PEMT: variants seen among roughly 807,000 people sequenced by gnomAD.
The protein encoded by PEMT is phospholipid methyltransferase.
In PEMT, 23 loss-of-function variants were observed where a neutral mutation model predicts 27.4. The observed-to-expected ratio is 0.84, with a 90% confidence interval of 0.60 to 1.19. The LOEUF (loss-of-function observed/expected upper bound fraction) is 1.19. Ranked by LOEUF, PEMT falls within the 50% of genes most tolerant of loss-of-function variation. The pLI is 0.00. For missense variants in PEMT, 307 were observed against 310.1 expected, an observed-to-expected ratio of 0.99 and a Z score of 0.07; for synonymous variants, 137 against 139.1, an observed-to-expected ratio of 0.98 and a Z score of 0.11.
chr17:17,547,045 G>C (rs755445961), intron 2 of PEMT, among the ~76,000 whole-genome samples: 2 of 152,262 alleles, frequency 1.3e-5, no homozygotes, highest in Non-Finnish European at 2.9e-5. Flanking sequence ...CTCCAGGCGT[G>C]CTCTCGAGCC....
intron 2 of PEMT, among the ~76,000 whole-genome samples, chr17:17,525,056 G>A (rs768436922): frequency 1.2e-4 from 18 of 152,184 alleles, no homozygotes; most frequent in African/African-American, 1.7e-4. Flanking sequence ...GCAGTGAGCC[G>A]AGATCGCGCC....
chr17:17,509,447 C>G lies in PEMT; in HGVS notation c.565G>C (p.Gly189Arg). 1 of 1,611,576 alleles carries G rather than the reference C, an allele frequency of 6.2e-7. No homozygotes were observed. The highest frequency in any genetic ancestry group is 8.5e-7 in the Non-Finnish European group (1 of 1,177,838). ...MYWGSTANYL[G>R]WAIMHASPTG... is the part of the protein sequence containing the mutation. ...CCTGGTACTCACATGATGGCCCAGC[C>G]CAGGTAGTTGGCTGTGCTTCCCCAG... The change falls in exon 5 of 7, where the codon GGC (glycine) becomes CGC (arginine). Residue 189 changes from glycine (G) to arginine (R), a missense_variant. Physicochemically the swap from Gly to Arg is moderately radical, Grantham distance 125 (BLOSUM62 -2). Coordinates refer to ENST00000255389, the MANE Select transcript of PEMT (RefSeq NM_148172.3).
At chr17:17,579,937 C>A (rs1221321474) in intron 1 of PEMT, among the ~76,000 whole-genome samples, 2 of 152,224 alleles carry the variant, frequency 1.3e-5, no homozygotes, top group Non-Finnish European at 2.9e-5. Flanking sequence ...GCCTGCCCAG[C>A]GCCTGCAGCC....
At chr17:17,515,785 G>A (rs780681167) in intron 3 of PEMT, among the ~76,000 whole-genome samples, 1 of 152,200 alleles carries the variant, frequency 6.6e-6, no homozygotes, top group Non-Finnish European at 1.5e-5. Context: ...AATATAGGAC[G>A]CAATTTCCCT....
chr17:17,563,041 C>T (rs567506233), intron 2 of PEMT, among the ~76,000 whole-genome samples: 3 of 152,284 alleles, frequency 2.0e-5, no homozygotes, highest in African/African-American at 7.2e-5. Flanking sequence ...GTGACTCTGA[C>T]GCCTGCCTTG....
intron 2 of PEMT, among the ~76,000 whole-genome samples, chr17:17,556,877 G>A (rs1361244120): frequency 2.6e-5 from 4 of 152,172 alleles, no homozygotes; most frequent in African/African-American, 7.2e-5. Context: ...CGTGGCTCCC[G>A]CAGTGCTGTG....
At chr17:17,587,818 A>C (rs993029380) in intron 1 of PEMT, among the ~76,000 whole-genome samples, 1 of 152,140 alleles carries the variant, frequency 6.6e-6, no homozygotes, top group Non-Finnish European at 1.5e-5. Flanking sequence ...GGAGGTTGCA[A>C]TGAGCTGGTA....
chr17:17,589,313 T>C (rs1912482828), intron 1 of PEMT, among the ~76,000 whole-genome samples: 2 of 150,770 alleles, frequency 1.3e-5, no homozygotes, highest in Admixed American at 6.6e-5. Flanking sequence ...CAAGATTCTG[T>C]ACCTGCTGAA....
chr17:17,522,771 C>T (rs1379556899), intron 2 of PEMT, among the ~76,000 whole-genome samples: 2 of 152,136 alleles, frequency 1.3e-5, no homozygotes, highest in Admixed American at 6.5e-5. Flanking sequence ...GTGCATCCCA[C>T]AGACTCTAAA....
intron 2 of PEMT, among the ~76,000 whole-genome samples, chr17:17,554,354 T>C (rs113499468): frequency 4.6e-5 from 7 of 152,150 alleles, no homozygotes; most frequent in Non-Finnish European, 1.0e-4. Context: ...CCCCCTCCCA[T>C]GTCCTACTCT....
At position 17,582,188 on chromosome 17, in the gene PEMT, T is replaced by C. The variant is rs1436275812; in HGVS notation, c.97-5161A>G. 1 of 842,630 alleles carries C rather than the reference T, an allele frequency of 1.2e-6. No homozygotes were observed. Among genetic ancestry groups the C allele is most frequent in the African/African-American group, 1.8e-5 (1 of 54,394 alleles). 52.2% of individuals were successfully genotyped at this position (842,630 alleles called of 1,614,324 possible). A position where few individuals can be genotyped will look rare whatever the true frequency, so the allele number is the denominator to read the frequency against. ...GAGGTCCCGGCTTTCTGCTACCCAG[T>C]AATTCTAATGGAACCCCCACTCCAA... On this transcript the variant is annotated intron_variant, in intron 1 of 6. Transcript: ENST00000255389. The surrounding 1 kb of genome is among the most constrained non-coding windows in gnomAD (Gnocchi z 4.9).
At chr17:17,508,879 G>A in intron 5 of PEMT, 1 of 383,186 alleles carries the variant, frequency 2.6e-6, no homozygotes, top group Non-Finnish European at 5.4e-6. Context: ...AGCTGCGGGT[G>A]AGCTGGGCCC....
intron 2 of PEMT, among the ~76,000 whole-genome samples, chr17:17,544,964 G>A (rs1043305757): frequency 2.0e-5 from 3 of 152,222 alleles, no homozygotes; most frequent in Admixed American, 6.5e-5. Context: ...CAGGCCAGCC[G>A]TTCTCTCCAG....
intron 3 of PEMT, among the ~76,000 whole-genome samples, chr17:17,519,354 G>C (rs1374215068): frequency 1.3e-5 from 2 of 152,328 alleles, no homozygotes; most frequent in Middle Eastern, 3.4e-3. Flanking sequence ...CAAAATCCAG[G>C]GGTGGCCAGT....
At position 17,586,239 on chromosome 17, in the gene PEMT, AG is replaced by A. The variant is rs1567759020; in HGVS notation, c.96+5291del. ...GAAAAAGAAAGAAAGAAAGAAAGAA[AG>A]AAAGAAAGAAAGAAAGAAAGAAAGA... On this transcript the variant is annotated intron_variant, in intron 1 of 6. Transcript: ENST00000255389. Among the ~76,000 whole-genome samples the A allele has an allele frequency of 3.6e-4, 36 of 100,168 alleles. 1 individual carries two copies. The highest frequency in any genetic ancestry group is 1.7e-3 in the African/African-American group (33 of 19,796). 65.7% of individuals were successfully genotyped at this position (100,168 alleles called of 152,430 possible). A position where few individuals can be genotyped will look rare whatever the true frequency, so the allele number is the denominator to read the frequency against.
intron 2 of PEMT, among the ~76,000 whole-genome samples, chr17:17,554,709 G>A (rs141530987): frequency 0.015 from 2,267 of 152,188 alleles, 60 homozygotes; most frequent in African/African-American, 0.052. Flanking sequence ...TCTGCCTCCC[G>A]GCTTCAAGCA....
chr17:17,578,179 T>G (rs1911749095), intron 1 of PEMT, among the ~76,000 whole-genome samples: 1 of 151,884 alleles, frequency 6.6e-6, no homozygotes, highest in South Asian at 2.1e-4. Context: ...TACAATTTTT[T>G]TTTTTTTTGA....
Position 17,576,970 on chromosome 17 carries a change from A to C in PEMT, c.154T>G (p.Phe52Val). 1 of 1,614,108 alleles carries C rather than the reference A, an allele frequency of 6.2e-7. No individual in the cohort carries two copies. Among genetic ancestry groups the C allele is most frequent in the Non-Finnish European group, 8.5e-7 (1 of 1,180,018 alleles). The change falls in exon 2 of 7, where the codon TTT becomes GTT. Residue 52 changes from phenylalanine (F) to valine (V), a missense_variant. By Grantham distance (50) the Phe-to-Val change is conservative. Transcript: ENST00000255389. Reference protein sequence around the residue: ...LGYVDPLDPSFVAAVITITFN... With the variant: ...LGYVDPLDPSVVAAVITITFN... ...GTGATGGTGATGACGGCAGCCACAA[A>C]GCTGGGATCCAGGGGGTCCACGTAG...
intron 3 of PEMT, among the ~76,000 whole-genome samples, chr17:17,520,195 C>T (rs1907161638): frequency 1.3e-5 from 2 of 152,176 alleles, no homozygotes; most frequent in African/African-American, 4.8e-5. Flanking sequence ...CTGGAGGGCA[C>T]AGACCCCTGA....
Sources: allele counts gnomAD v4.1 joint callset (sites outside exome capture counted in the v4.1 genomes callset), GRCh38; gene constraint gnomAD v4.1.1; non-coding constraint Gnocchi (gnomAD v3.1); transcripts MANE v1.5; gene names NCBI Gene and HGNC (gene_info 2026-07-23, HGNC 2026-07-21).